KLK9: variants seen among roughly 807,000 people sequenced by gnomAD.
KLK9 encodes the protein kallikrein-9.
KLK9 carries 26 observed loss-of-function variants against 23.3 expected under a neutral mutation model. The observed-to-expected ratio is 1.12, with a 90% CI of 0.82 to 1.55. The LOEUF (loss-of-function observed/expected upper bound fraction) is 1.55, where lower values mean the gene tolerates loss of function less well. Ranked by LOEUF, KLK9 falls within the 40% of genes most tolerant of loss-of-function variation. KLK9 has a pLI of 0.00. For synonymous variants in KLK9, 122 were observed against 128.5 expected (o/e 0.95, Z 0.34); for missense variants, 346 against 333.7 (o/e 1.04, Z -0.29).
intron 2 of KLK9, among the ~76,000 whole-genome samples, chr19:51,007,606 G>A (rs1169673927): frequency 1.3e-5 from 2 of 151,458 alleles, no homozygotes; most frequent in Non-Finnish European, 2.9e-5. Context: ...CTTCACTTTC[G>A]GCTGAAATCT....
intron 2 of KLK9, among the ~76,000 whole-genome samples, chr19:51,008,337 CAAAAAAAAAAAAAA>C (rs34275672): frequency 1.4e-5 from 1 of 71,732 alleles, no homozygotes; most frequent in Non-Finnish European, 2.6e-5. Context: ...GACTCTGTCT[CAAAAAAAAAAAAAA>C]AAAAAAAAAA....
Position 51,003,775 on chromosome 19 carries a change from C to T in KLK9, c.532G>A (p.Ala178Thr), listed in dbSNP as rs767672918. Residue 178 changes from alanine (A) to threonine (T), a missense_variant, in exon 4 of 5, where the codon GCA (alanine) becomes ACA (threonine). Transcript: ENST00000594211. ...SILENKLCHWAYPGHISDSML... is the reference protein window; with the variant it reads ...SILENKLCHWTYPGHISDSML... ...CTGTCCGAGATGTGTCCAGGGTATGCCCAGTGACAGAGTTTGTTCTCCAGG... is the reference window on the plus strand; with the variant it reads ...CTGTCCGAGATGTGTCCAGGGTATGTCCAGTGACAGAGTTTGTTCTCCAGG... The T allele has an allele frequency of 6.2e-7, 1 of 1,613,088 alleles. No homozygotes were observed. The highest frequency in any genetic ancestry group is 8.5e-7 in the Non-Finnish European group (1 of 1,179,052).
Position 51,007,058 on chromosome 19 carries a change from G to A in KLK9, c.201-335C>T, listed in dbSNP as rs563395825. Among the ~76,000 whole-genome samples the A allele has an allele frequency of 1.1e-3, 170 of 151,836 alleles. 2 individuals are homozygous for A. Among genetic ancestry groups the A allele is most frequent in the Non-Finnish European group, 2.0e-3 (139 of 67,912 alleles). On this transcript the variant is annotated intron_variant, in intron 2 of 4. Transcript: ENST00000594211. ...TGACTTGGGTCCCTAGGAACGGTGTGGGCACGGGGGACCCCACCTACCACA... is the reference window on the plus strand; with the variant it reads ...TGACTTGGGTCCCTAGGAACGGTGTAGGCACGGGGGACCCCACCTACCACA...
chr19:51,006,870 G>C lies in KLK9; in HGVS notation c.201-147C>G, dbSNP rs2091257807. ...ACCCTCATCATCTATGTCTGGCCCA[G>C]GGTACTGTGATTTTAAGCGAGGCAC... is the stretch of plus-strand genomic sequence containing the variant. On this transcript the variant is annotated intron_variant, in intron 2 of 4. Transcript: ENST00000594211. The surrounding 1 kb of genome is among the most constrained non-coding windows in gnomAD (Gnocchi z 4.1). The C allele has an allele frequency of 2.2e-6, 2 of 905,050 alleles. No homozygotes were observed. Among genetic ancestry groups the C allele is most frequent in the South Asian group, 3.9e-5 (2 of 51,940 alleles). 56.1% of individuals were successfully genotyped at this position (905,050 alleles called of 1,614,324 possible).
rs2091239575 is a variant in KLK9, at chr19:51,002,985, A to T, written c.*126T>A. 2 of 1,184,000 alleles carry T rather than the reference A, an allele frequency of 1.7e-6. No individual in the cohort carries two copies. The highest frequency in any genetic ancestry group is 2.3e-6 in the Non-Finnish European group (2 of 853,058). 73.3% of individuals were successfully genotyped at this position (1,184,000 alleles called of 1,614,324 possible). A position where few individuals can be genotyped will look rare whatever the true frequency, so the allele number is the denominator to read the frequency against. ...CCTCAGGGGCGGAGTCTTAGTGTCC[A>T]GAGGGGAGTCAGGGCAGCTGGAGGT... On this transcript the variant is annotated 3_prime_UTR_variant, in exon 5 of 5. Coordinates refer to ENST00000594211, the MANE Select transcript of KLK9 (RefSeq NM_012315.2).
chr19:51,008,239 G>A (rs906586647), intron 2 of KLK9, among the ~76,000 whole-genome samples: 3 of 147,478 alleles, frequency 2.0e-5, no homozygotes, highest in Admixed American at 6.8e-5. Flanking sequence ...TCAGGAGGCT[G>A]AGGCAGGAGA....
At chr19:51,007,718 A>G (rs1199955145) in intron 2 of KLK9, among the ~76,000 whole-genome samples, 6 of 151,996 alleles carry the variant, frequency 3.9e-5, no homozygotes, top group African/African-American at 1.4e-4. Flanking sequence ...TCTTACCACA[A>G]TCAGTGCTTT....
At chr19:51,005,950 T>TAATAATA (rs2091254010) in intron 3 of KLK9, among the ~76,000 whole-genome samples, 2 of 150,324 alleles carry the variant, frequency 1.3e-5, no homozygotes, top group South Asian at 4.2e-4. Context: ...ATAATAATAA[T>TAATAATA]AATAAATAAT....
At chr19:51,008,060 G>C (rs1173323312) in intron 2 of KLK9, among the ~76,000 whole-genome samples, 1 of 151,796 alleles carries the variant, frequency 6.6e-6, no homozygotes, top group African/African-American at 2.4e-5. Context: ...GCTGGGCGCG[G>C]TGGCTCACGC....
chr19:51,004,279 G>T (rs551078868), intron 3 of KLK9, among the ~76,000 whole-genome samples: 1 of 131,958 alleles, frequency 7.6e-6, no homozygotes, highest in South Asian at 2.8e-4. Context: ...GGTGGAGGTT[G>T]CAGTGAGCCG....
chr19:51,003,751 T>C lies in KLK9; in HGVS notation c.556A>G (p.Ser186Gly). The C allele has an allele frequency of 6.2e-7, 1 of 1,613,380 alleles. No homozygotes were observed. Among genetic ancestry groups the C allele is most frequent in the Non-Finnish European group, 8.5e-7 (1 of 1,179,310 alleles). ...HWAYPGHISD[S>G]MLCAGLWEGG... ...TCCCACAGGCCCGCACAGAGCATGC[T>C]GTCCGAGATGTGTCCAGGGTATGCC... Residue 186 changes from serine (S) to glycine (G), a missense_variant, in exon 4 of 5, where the codon AGC (serine) becomes GGC (glycine). Physicochemically the swap from Ser to Gly is moderately conservative, Grantham distance 56. Transcript: ENST00000594211.
chr19:51,009,268 C>A lies in KLK9; in HGVS notation c.115G>T (p.Gly39Cys). 1.2e-6 allele frequency: 2 copies of A among 1,607,080 alleles called. No homozygotes were observed. The highest frequency in any genetic ancestry group is 1.7e-6 in the Non-Finnish European group (2 of 1,177,364). ...AAGAGCCGAGTAAGGTGGAAGAGGCCGGCCTGCCAAGGCTGGGAGTTGGGG... is the reference window on the plus strand; with the variant it reads ...AAGAGCCGAGTAAGGTGGAAGAGGCAGGCCTGCCAAGGCTGGGAGTTGGGG... ...CRPNSQPWQA[G>C]LFHLTRLFCG... Residue 39 changes from glycine (G) to cysteine (C), a missense_variant, in exon 2 of 5, where the codon GGC becomes TGC. Transcript: ENST00000594211. The surrounding 1 kb of genome is among the most constrained non-coding windows in gnomAD (Gnocchi z 4.8).
intron 2 of KLK9, among the ~76,000 whole-genome samples, chr19:51,007,728 T>C (rs1318958765): frequency 6.6e-6 from 1 of 151,982 alleles, no homozygotes; most frequent in Non-Finnish European, 1.5e-5. Flanking sequence ...ATCAGTGCTT[T>C]ACTCATGGAG....
chr19:51,003,123 G>A lies in KLK9; in HGVS notation c.741C>T (p.Ile247=). ...VCHYLDWIQE[I]MEN Reference sequence around the variant, plus strand: ...GTGGCGCGCGGGCTCAGTTCTCCATGATTTCTTGGATCCAGTCAAGGTAGT... The same window carrying A: ...GTGGCGCGCGGGCTCAGTTCTCCATAATTTCTTGGATCCAGTCAAGGTAGT... Residue 247 remains isoleucine, a synonymous_variant, in exon 5 of 5, where the codon ATC becomes ATT. Transcript: ENST00000594211. 1 of 1,609,474 alleles carries A rather than the reference G, an allele frequency of 6.2e-7. No homozygotes were observed.
chr19:51,004,975 A>C (rs1453988040), intron 3 of KLK9, among the ~76,000 whole-genome samples: 2 of 152,184 alleles, frequency 1.3e-5, no homozygotes, highest in Non-Finnish European at 2.9e-5. Flanking sequence ...GGGGCTGTGC[A>C]GGGAGACAGG....
intron 2 of KLK9, among the ~76,000 whole-genome samples, chr19:51,007,976 T>C (rs747522059): frequency 6.6e-6 from 1 of 152,170 alleles, no homozygotes; most frequent in Admixed American, 6.6e-5. Flanking sequence ...TCCAGGATTC[T>C]AACATTATCT....
intron 2 of KLK9, among the ~76,000 whole-genome samples, chr19:51,007,793 A>G (rs753983244): frequency 3.9e-4 from 59 of 152,138 alleles, no homozygotes; most frequent in Non-Finnish European, 6.5e-4. Context: ...TGGAGAGAGG[A>G]TTCCTGCATC....
chr19:51,002,881 A>T lies in KLK9; in HGVS notation c.*230T>A. 1 of 468,292 alleles carries T rather than the reference A, an allele frequency of 2.1e-6. No homozygotes were observed. Among genetic ancestry groups the T allele is most frequent in the Non-Finnish European group, 3.7e-6 (1 of 267,018 alleles). The allele number at this position is 468,292 out of a possible 1,614,324, so 29.0% of individuals were successfully genotyped here. A position where few individuals can be genotyped will look rare whatever the true frequency, so the allele number is the denominator to read the frequency against. On this transcript the variant is annotated 3_prime_UTR_variant, in exon 5 of 5. Transcript: ENST00000594211. ...GATGGCTGTCGGTGACGTCATAGAGACGGGCTCTGAAGGGCGTGTCCCTGC... is the reference window on the plus strand; with the variant it reads ...GATGGCTGTCGGTGACGTCATAGAGTCGGGCTCTGAAGGGCGTGTCCCTGC...
chr19:51,008,497 G>A (rs542164748), intron 2 of KLK9, among the ~76,000 whole-genome samples: 2 of 152,134 alleles, frequency 1.3e-5, no homozygotes, highest in South Asian at 2.1e-4. Context: ...TTCTAGTACT[G>A]TGAGTTTCAA....
Sources: allele counts gnomAD v4.1 joint callset (sites outside exome capture counted in the v4.1 genomes callset), GRCh38; gene constraint gnomAD v4.1.1; non-coding constraint Gnocchi (gnomAD v3.1); transcripts MANE v1.5; gene names NCBI Gene and HGNC (gene_info 2026-07-23, HGNC 2026-07-21).